RBPJ: variants seen among roughly 807,000 people sequenced by gnomAD.
RBPJ encodes recombination signal binding protein for immunoglobulin kappa J region, also known as recombining binding protein suppressor of hairless.
RBPJ carries 9 observed loss-of-function variants against 67.8 expected under a neutral mutation model. The ratio of observed to expected loss-of-function variants is 0.13; its 90% confidence interval spans 0.08 to 0.23. The LOEUF is 0.23. Ranked by LOEUF, RBPJ falls within the 10% of genes least tolerant of loss-of-function variation. RBPJ has a pLI of 1.00. For synonymous variants in RBPJ, 198 were observed against 203.3 expected, an observed-to-expected ratio of 0.97 and a Z score of 0.22; for missense variants, 305 against 595.6, an observed-to-expected ratio of 0.51 and a Z score of 5.08.
At chr4:26,418,604 G>A (rs1734824257) in intron 4 of RBPJ, among the ~76,000 whole-genome samples, 1 of 151,842 alleles carries the variant, frequency 6.6e-6, no homozygotes, top group African/African-American at 2.4e-5. Flanking sequence ...TTGCCAATAT[G>A]TCTTATTTAT....
At chr4:26,109,149 C>T in the RBPJ span, among the ~76,000 whole-genome samples, 385 of 147,906 alleles carry the variant, frequency 2.6e-3, no homozygotes, top group Non-Finnish European at 4.3e-3. Flanking sequence ...GCTCTGTTGC[C>T]CAGGCTGGAG....
At chr4:26,136,563 C>T in the RBPJ span, among the ~76,000 whole-genome samples, 3 of 152,280 alleles carry the variant, frequency 2.0e-5, no homozygotes, top group African/African-American at 7.2e-5. Context: ...CCCATCCCTG[C>T]CCCCATGCCT....
chr4:26,244,340 C>T (rs1577352543), intron 1 of RBPJ, among the ~76,000 whole-genome samples: 1 of 146,490 alleles, frequency 6.8e-6, no homozygotes, highest in Admixed American at 6.9e-5. Flanking sequence ...TATGTGTACA[C>T]ATATGTGTGT....
At chr4:26,259,946 A>G (rs944917793) in intron 1 of RBPJ, among the ~76,000 whole-genome samples, 4 of 152,206 alleles carry the variant, frequency 2.6e-5, no homozygotes, top group African/African-American at 9.6e-5. Flanking sequence ...TTCTTCTACC[A>G]TAAGTTTGAT....
At chr4:26,428,293 A>G (rs538003424) in intron 7 of RBPJ, among the ~76,000 whole-genome samples, 2 of 152,342 alleles carry the variant, frequency 1.3e-5, no homozygotes, top group South Asian at 4.1e-4. Flanking sequence ...GCTGTTCAAA[A>G]TATGGTCTGT....
intron 1 of RBPJ, among the ~76,000 whole-genome samples, chr4:26,275,872 C>T (rs1355532417): frequency 1.3e-5 from 2 of 151,956 alleles, no homozygotes; most frequent in Admixed American, 6.6e-5. Context: ...CCTCTCTGCC[C>T]ACCTCGGCCT....
the RBPJ span, among the ~76,000 whole-genome samples, chr4:26,155,693 C>G: frequency 6.6e-6 from 1 of 152,102 alleles, no homozygotes; most frequent in Non-Finnish European, 1.5e-5. Flanking sequence ...CCTCAGCCTC[C>G]CAAAGTGCTG....
At chr4:26,291,137 T>A (rs1310284340) in intron 1 of RBPJ, among the ~76,000 whole-genome samples, 3 of 150,868 alleles carry the variant, frequency 2.0e-5, no homozygotes, top group Non-Finnish European at 4.4e-5. Context: ...AAAATGAGTG[T>A]TAATCTTTGT....
the RBPJ span, among the ~76,000 whole-genome samples, chr4:26,134,830 T>G: frequency 5.3e-5 from 8 of 152,258 alleles, no homozygotes; most frequent in East Asian, 1.4e-3. Context: ...TGCAGGTGCA[T>G]GAACTGAAAG....
intron 1 of RBPJ, among the ~76,000 whole-genome samples, chr4:26,333,767 G>A (rs1724498166): frequency 6.6e-6 from 1 of 152,058 alleles, no homozygotes; most frequent in Non-Finnish European, 1.5e-5. Context: ...ACAGCTCACT[G>A]TAGCCTCGAC....
chr4:26,240,677 C>T (rs374896457), intron 1 of RBPJ, among the ~76,000 whole-genome samples: 2 of 152,092 alleles, frequency 1.3e-5, no homozygotes, highest in African/African-American at 4.8e-5. Context: ...TCTGTTGAAC[C>T]CATACTGCAT....
At chr4:26,331,391 GT>G (rs372605359) in intron 1 of RBPJ, among the ~76,000 whole-genome samples, 4,245 of 147,372 alleles carry the variant, frequency 0.029, 154 homozygotes, top group African/African-American at 0.075. Context: ...CCAACGTTAT[GT>G]TTTTTTTTTT....
chr4:26,212,687 G>A (rs1718472053), intron 1 of RBPJ, among the ~76,000 whole-genome samples: 1 of 152,116 alleles, frequency 6.6e-6, no homozygotes. Context: ...ATTTCAGAAG[G>A]GGTCTTGCCC....
chr4:26,428,836 T>C lies in RBPJ; in HGVS notation c.864T>C (p.Ser288=), dbSNP rs1371675653. The change falls in exon 8 of 11, where the codon TCT becomes TCC. Residue 288 remains serine (S), a synonymous_variant. Coordinates refer to ENST00000355476, the MANE Select transcript of RBPJ (RefSeq NM_015874.6). ...KDTERMYLCL[S]QERIIQFQAT... ...CAGAAAGAATGTATTTGTGCCTTTCTCAAGAAAGAATAATTCAATTTCAGG... is the reference window on the plus strand; with the variant it reads ...CAGAAAGAATGTATTTGTGCCTTTCCCAAGAAAGAATAATTCAATTTCAGG... 1.2e-6 allele frequency: 2 copies of C among 1,602,296 alleles called. No individual in the cohort carries two copies. The highest frequency in any genetic ancestry group is 4.5e-5 in the East Asian group (2 of 44,764).
At chr4:26,285,678 TA>T (rs545484809) in intron 1 of RBPJ, among the ~76,000 whole-genome samples, 3,799 of 96,160 alleles carry the variant, frequency 0.04, 76 homozygotes, top group Middle Eastern at 0.12. Flanking sequence ...ACTGATACGT[TA>T]AAAAAAAAAA....
intron 2 of RBPJ, among the ~76,000 whole-genome samples, chr4:26,393,684 C>CT (rs1731776004): frequency 2.0e-5 from 3 of 151,854 alleles, no homozygotes; most frequent in Admixed American, 2.0e-4. Context: ...CTTGAGAATG[C>CT]TTTTTAAAAT....
chr4:26,315,194 G>A (rs11942084), upstream of RBPJ, among the ~76,000 whole-genome samples: 18,462 of 83,024 alleles, frequency 0.22, 2,429 homozygotes, highest in East Asian at 0.24. Context: ...ATATATATAT[G>A]TATGTATATA....
intron 1 of RBPJ, among the ~76,000 whole-genome samples, chr4:26,346,367 T>C (rs1726143340): frequency 6.6e-6 from 1 of 152,122 alleles, no homozygotes; most frequent in East Asian, 1.9e-4. Context: ...ATTGGTTGGG[T>C]CAGGTATGAC....
the RBPJ span, among the ~76,000 whole-genome samples, chr4:26,118,049 T>C: frequency 6.6e-6 from 1 of 152,138 alleles, no homozygotes; most frequent in African/African-American, 2.4e-5. Flanking sequence ...CAAATATGTA[T>C]ATTTGTTTAT....
Sources: gnomAD v4.1 joint callset for allele counts (sites outside exome capture counted in the v4.1 genomes callset) on GRCh38, gnomAD v4.1.1 for gene constraint, MANE v1.5 for transcripts, NCBI Gene and HGNC (gene_info 2026-07-23, HGNC 2026-07-21) for gene names.